Variants in GAREM1 observed in about 807,000 individuals in gnomAD.
The protein encoded by GAREM1 is GRB2-associated and regulator of MAPK protein 1.
GAREM1 carries 26 observed loss-of-function variants against 71.3 expected under a neutral mutation model. The observed-to-expected ratio is 0.36, with a 90% CI of 0.27 to 0.51. The LOEUF is 0.51. Among genes scored for constraint, GAREM1 ranks in the 20% least tolerant of loss-of-function variants. The pLI is 0.95. For missense variants in GAREM1, 1,026 were observed against 1,103.1 expected (o/e 0.93, Z 0.99); for synonymous variants, 440 against 433.2 (o/e 1.02, Z -0.20).
chr18:32,343,622 C>A (rs1033640868), intron 2 of GAREM1, among the ~76,000 whole-genome samples: 6 of 152,140 alleles, frequency 3.9e-5, no homozygotes, highest in Admixed American at 3.3e-4. Context: ...ACTTTTAAAC[C>A]AAGCTAGTTC....
In GAREM1 at chr18:32,265,938, CT is replaced by C. The variant is rs1241846878; in HGVS notation, c.*1932del. 6.6e-6 allele frequency: 1 copy of C among 152,132 alleles called. No homozygotes were observed. Among genetic ancestry groups the C allele is most frequent in the Non-Finnish European group, 1.5e-5 (1 of 68,004 alleles). The allele number at this position is 152,132 out of a possible 1,614,324, so 9.4% of individuals were successfully genotyped here. On this transcript the variant is annotated 3_prime_UTR_variant, in exon 6 of 6. Transcript: ENST00000269209. ...TACTTTACTAAGGGAGGCAGTCCCC[CT>C]CACACAGAAGGATGCTTTCAAAACA...
At chr18:32,315,674 T>C (rs2047371762) in intron 2 of GAREM1, among the ~76,000 whole-genome samples, 1 of 152,000 alleles carries the variant, frequency 6.6e-6, no homozygotes, top group South Asian at 2.1e-4. Context: ...TACTGGACAG[T>C]TGGTGCAGGT....
intron 1 of GAREM1, among the ~76,000 whole-genome samples, chr18:32,439,427 T>C (rs1468900638): frequency 1.3e-5 from 2 of 152,132 alleles, no homozygotes; most frequent in East Asian, 1.9e-4. Flanking sequence ...ACACTTTGTA[T>C]AAGGAGAAAC....
At chr18:32,465,043 G>A (rs559353334) in intron 1 of GAREM1, among the ~76,000 whole-genome samples, 2 of 152,258 alleles carry the variant, frequency 1.3e-5, no homozygotes, top group East Asian at 3.9e-4. Flanking sequence ...TACAAGACCT[G>A]ACCAAGATCA....
chr18:32,272,964 T>C (rs1310460759), intron 4 of GAREM1, among the ~76,000 whole-genome samples: 2 of 152,252 alleles, frequency 1.3e-5, no homozygotes, highest in African/African-American at 4.8e-5. Flanking sequence ...TGGTTCATCT[T>C]CCTTCTGTCT....
chr18:32,427,984 A>G (rs1050034484), intron 1 of GAREM1, among the ~76,000 whole-genome samples: 1 of 152,022 alleles, frequency 6.6e-6, no homozygotes, highest in Admixed American at 6.5e-5. Context: ...GAGGGAAAGT[A>G]TATTATATGG....
chr18:32,365,490 C>T (rs559761262), intron 2 of GAREM1, among the ~76,000 whole-genome samples: 1 of 152,322 alleles, frequency 6.6e-6, no homozygotes, highest in South Asian at 2.1e-4. Flanking sequence ...AAATATCTCA[C>T]ATGTAGTACA....
intron 2 of GAREM1, among the ~76,000 whole-genome samples, chr18:32,331,310 A>G (rs1404973785): frequency 6.6e-6 from 1 of 152,218 alleles, no homozygotes; most frequent in Non-Finnish European, 1.5e-5. Flanking sequence ...TACATATACT[A>G]TGAATTCCTA....
At position 32,311,036 on chromosome 18, in the gene GAREM1, G is replaced by A. The variant is rs187130617; in HGVS notation, c.263-713C>T. 4.5e-3 allele frequency among the ~76,000 whole-genome samples: 688 copies of A among 152,206 alleles called. 5 individuals are homozygous for A. Among genetic ancestry groups the A allele is most frequent in the African/African-American group, 0.016 (661 of 41,520 alleles). On this transcript the variant is annotated intron_variant, in intron 2 of 5. Coordinates refer to ENST00000269209, the MANE Select transcript of GAREM1 (RefSeq NM_001242409.2). ...TTACTGCTATATATGAAATTCATGC[G>A]AGTAGGCCATATCATGGTCTCCACA...
intron 1 of GAREM1, among the ~76,000 whole-genome samples, chr18:32,463,016 T>A (rs2144314888): frequency 6.6e-6 from 1 of 152,034 alleles, no homozygotes; most frequent in East Asian, 1.9e-4. Flanking sequence ...CACAGTGGGG[T>A]GACTACAGTC....
At chr18:32,384,435 C>T (rs185648794) in intron 2 of GAREM1, among the ~76,000 whole-genome samples, 1 of 152,282 alleles carries the variant, frequency 6.6e-6, no homozygotes, top group Admixed American at 6.5e-5. Flanking sequence ...ATTTATTTTG[C>T]CACTGGTGGT....
chr18:32,306,452 G>A (rs139783816), intron 3 of GAREM1, among the ~76,000 whole-genome samples: 97 of 143,418 alleles, frequency 6.8e-4, no homozygotes, highest in African/African-American at 2.5e-3. Context: ...ATCACAGAAT[G>A]TTTAGCAGCA....
rs1267368461 is a variant in GAREM1, at chr18:32,264,674, A to C, written c.*3197T>G. The C allele has an allele frequency of 3.9e-5, 6 of 152,266 alleles. No homozygotes were observed. Among genetic ancestry groups the C allele is most frequent in the Non-Finnish European group, 8.8e-5 (6 of 68,044 alleles). The allele number at this position is 152,266 out of a possible 1,614,324, so 9.4% of individuals were successfully genotyped here. ...ACTGCAATGATATATGTGGGTTGAA[A>C]GAATGTAAGTAAATTTCACAGTTCA... On this transcript the variant is annotated 3_prime_UTR_variant, in exon 6 of 6. Transcript: ENST00000269209.
chr18:32,386,754 T>G (rs2048150886), intron 2 of GAREM1, among the ~76,000 whole-genome samples: 1 of 152,162 alleles, frequency 6.6e-6, no homozygotes, highest in South Asian at 2.1e-4. Context: ...TTCTGATCCA[T>G]TTGGTTTCTC....
intron 2 of GAREM1, among the ~76,000 whole-genome samples, chr18:32,385,980 T>C (rs1301663882): frequency 1.3e-5 from 2 of 152,228 alleles, no homozygotes; most frequent in Admixed American, 6.5e-5. Flanking sequence ...TTGTTAACTA[T>C]AACCTAAAAA....
intron 1 of GAREM1, among the ~76,000 whole-genome samples, chr18:32,455,987 T>C (rs975103086): frequency 1.2e-4 from 19 of 152,220 alleles, no homozygotes; most frequent in Non-Finnish European, 1.8e-4. Flanking sequence ...AAAAATCTTA[T>C]ATCATATGCA....
At chr18:32,356,235 T>C (rs1406261983) in intron 2 of GAREM1, among the ~76,000 whole-genome samples, 3 of 152,210 alleles carry the variant, frequency 2.0e-5, no homozygotes, top group Admixed American at 2.0e-4. Context: ...AATGCACTGA[T>C]AATTATATAC....
At chr18:32,379,316 G>T (rs971254190) in intron 2 of GAREM1, among the ~76,000 whole-genome samples, 4 of 151,908 alleles carry the variant, frequency 2.6e-5, no homozygotes, top group African/African-American at 9.7e-5. Context: ...TATCTGAATA[G>T]ATCCACGGAC....
At chr18:32,282,956 C>T (rs2046969608) in intron 4 of GAREM1, among the ~76,000 whole-genome samples, 1 of 152,072 alleles carries the variant, frequency 6.6e-6, no homozygotes, top group Admixed American at 6.5e-5. Context: ...TAGAGGCCTG[C>T]AATATTATAA....
Sources: allele counts gnomAD v4.1 joint callset (sites outside exome capture counted in the v4.1 genomes callset), GRCh38; gene constraint gnomAD v4.1.1; transcripts MANE v1.5; gene names NCBI Gene and HGNC (gene_info 2026-07-23, HGNC 2026-07-21).